Variants in DHX35 observed in about 807,000 individuals in gnomAD.
The protein encoded by DHX35 is probable ATP-dependent RNA helicase DHX35.
A neutral mutation model predicts 99.6 loss-of-function variants in DHX35; 84 were observed. The observed-to-expected ratio is 0.84, with a 90% CI of 0.71 to 1.01. The LOEUF (loss-of-function observed/expected upper bound fraction) is 1.01. Among genes scored for constraint, DHX35 ranks in the 50% least tolerant of loss-of-function variants. The pLI is 0.00. For missense variants in DHX35, 852 were observed against 888.5 expected, an observed-to-expected ratio of 0.96 and a Z score of 0.52; for synonymous variants, 331 against 316.2, an observed-to-expected ratio of 1.05 and a Z score of -0.50.
intron 5 of DHX35, 85 bp downstream of exon 5, chr20:38,989,002 G>A (rs901288152): frequency 5.1e-5 from 74 of 1,453,106 alleles, no homozygotes; most frequent in Non-Finnish European, 6.8e-5. Context: ...CCTTGCTGCT[G>A]TACAGGACAT....
rs2086612632 is a variant in DHX35 at position 39,006,150 on chromosome 20, T to C, written c.1016T>C (p.Ile339Thr). 1.2e-6 allele frequency: 2 copies of C among 1,613,218 alleles called. No homozygotes were observed. The highest frequency in any genetic ancestry group is 1.7e-6 in the Non-Finnish European group (2 of 1,179,200). The change falls in exon 12 of 22, where the codon ATA (isoleucine) becomes ACA (threonine). Residue 339 changes from isoleucine (I) to threonine (T), a missense_variant. Coordinates refer to ENST00000252011, the MANE Select transcript of DHX35 (RefSeq NM_021931.4). ...ERVSRSVRKV[I>T]VATNVAETSI... ...TTCTTTCTGTGGGGAACGTAGGTGA[T>C]AGTGGCCACCAATGTGGCAGAAACC...
chr20:38,999,539 T>G (rs2086485054), intron 8 of DHX35, among the ~76,000 whole-genome samples: 1 of 152,220 alleles, frequency 6.6e-6, no homozygotes, highest in South Asian at 2.1e-4. Context: ...ATGATCATAG[T>G]CATTTAGGCC....
chr20:39,004,898 T>C (rs747747172), intron 11 of DHX35, among the ~76,000 whole-genome samples: 5 of 152,136 alleles, frequency 3.3e-5, no homozygotes, highest in African/African-American at 1.2e-4. Context: ...CCCTTGACCA[T>C]TGGGATGGAG....
chr20:38,969,680 G>C (rs2085964500), intron 2 of DHX35, among the ~76,000 whole-genome samples: 1 of 152,160 alleles, frequency 6.6e-6, no homozygotes. Context: ...ACAGGATTTT[G>C]GTATGGTTAC....
At chr20:38,972,224 G>T (rs1360388818) in intron 2 of DHX35, among the ~76,000 whole-genome samples, 2 of 152,008 alleles carry the variant, frequency 1.3e-5, no homozygotes, top group Non-Finnish European at 2.9e-5. Flanking sequence ...TGGCCAGGCT[G>T]GTCTTGAACT....
intron 3 of DHX35, chr20:38,978,461 T>C (rs1422533438): frequency 3.7e-6 from 2 of 544,182 alleles, no homozygotes; most frequent in East Asian, 6.4e-5. Context: ...AGAAGGCGGA[T>C]GGAGATAAAT....
At chr20:38,991,788 A>G (rs1416214889) in intron 6 of DHX35, among the ~76,000 whole-genome samples, 1 of 152,220 alleles carries the variant, frequency 6.6e-6, no homozygotes, top group Non-Finnish European at 1.5e-5. Context: ...TCCAGTATTG[A>G]TGGTGACTGC....
chr20:39,025,427 C>G, intron 18 of DHX35, 68 bp downstream of exon 18: 1 of 1,577,116 alleles, frequency 6.3e-7, no homozygotes, highest in Non-Finnish European at 8.6e-7. Context: ...TCCTAAAGTT[C>G]TCATGCTGGG....
At chr20:39,035,292 G>T (rs554947971) in intron 21 of DHX35, among the ~76,000 whole-genome samples, 1 of 152,058 alleles carries the variant, frequency 6.6e-6, no homozygotes, top group East Asian at 1.9e-4. Context: ...GGCTGGTCTT[G>T]AACTCCTGAC....
Position 38,962,405 on chromosome 20 carries a change from C to A in DHX35, c.38C>A (p.Pro13His). ...GTGGGACCGGTGAAGTTCTGGCGAC[C>A]CGGTAAGGCCCTTGGTGGAACGCTG... ...APVGPVKFWR[P>H]GTEGPGVSIS... Residue 13 changes from proline to histidine, a missense_variant and splice_region_variant, in exon 1 of 22, where the codon CCC becomes CAC. Transcript: ENST00000252011. The A allele has an allele frequency of 1.9e-6, 3 of 1,612,674 alleles. No individual in the cohort carries two copies. The highest frequency in any genetic ancestry group is 1.7e-6 in the Non-Finnish European group (2 of 1,179,286).
intron 13 of DHX35, among the ~76,000 whole-genome samples, chr20:39,012,455 A>G (rs1253824772): frequency 2.0e-5 from 3 of 152,188 alleles, no homozygotes; most frequent in Non-Finnish European, 4.4e-5. Context: ...AATTTCAACT[A>G]TCATTAGGAC....
chr20:38,983,690 T>A lies in DHX35; in HGVS notation c.268-9T>A, dbSNP rs1351798319. ...TCATATGTATACTTAGATGTGATTT[T>A]GTTTGTAGTACCTTGCAGAAGCCGG... On this transcript the variant is annotated splice_polypyrimidine_tract_variant and intron_variant, in intron 3 of 21. Transcript: ENST00000252011. 3 of 1,613,740 alleles carry A rather than the reference T, an allele frequency of 1.9e-6. No homozygotes were observed. The highest frequency in any genetic ancestry group is 2.5e-6 in the Non-Finnish European group (3 of 1,179,696).
chr20:39,025,288 G>T lies in DHX35; in HGVS notation c.1730G>T (p.Arg577Ile), dbSNP rs1490442489. 3 of 1,613,544 alleles carry T rather than the reference G, an allele frequency of 1.9e-6. No individual in the cohort carries two copies. The highest frequency in any genetic ancestry group is 2.7e-5 in the African/African-American group (2 of 74,918). The change falls in exon 18 of 22, where the codon AGA becomes ATA. Residue 577 changes from arginine (R) to isoleucine (I), a missense_variant. By Grantham distance (97) the Arg-to-Ile change is moderately conservative. Coordinates refer to ENST00000252011, the MANE Select transcript of DHX35 (RefSeq NM_021931.4). ...TTCCTGAATTACAAGGGTCTTGTCA[G>T]AGCTGCGACTGTAAGAGAACAATTG... Reference protein sequence around the residue: ...EHFLNYKGLVRAATVREQLKK... With the variant: ...EHFLNYKGLVIAATVREQLKK...
intron 4 of DHX35, among the ~76,000 whole-genome samples, chr20:38,986,577 T>A (rs1286520933): frequency 1.3e-5 from 2 of 152,212 alleles, no homozygotes; most frequent in Non-Finnish European, 2.9e-5. Flanking sequence ...CTCATTCTTA[T>A]AAGCCTATTT....
intron 8 of DHX35, among the ~76,000 whole-genome samples, chr20:38,998,719 T>G (rs898175215): frequency 6.6e-6 from 1 of 152,266 alleles, no homozygotes; most frequent in East Asian, 1.9e-4. Flanking sequence ...TTTACTTTTT[T>G]ATGTATTTTG....
intron 8 of DHX35, among the ~76,000 whole-genome samples, chr20:38,999,619 G>A (rs187706688): frequency 1.3e-5 from 2 of 152,288 alleles, no homozygotes; most frequent in East Asian, 3.9e-4. Context: ...TCTTTCCAAT[G>A]TGCACGTGTG....
At chr20:39,015,658 T>C (rs915411689) in intron 14 of DHX35, among the ~76,000 whole-genome samples, 29 of 152,176 alleles carry the variant, frequency 1.9e-4, no homozygotes, top group African/African-American at 7.0e-4. Flanking sequence ...ATTTTGAGTG[T>C]TACTTTTTTT....
intron 7 of DHX35, among the ~76,000 whole-genome samples, 187 bp from the exon 8 acceptor site, chr20:38,994,634 C>T (rs1200434467): frequency 2.8e-5 from 3 of 108,360 alleles, no homozygotes; most frequent in Non-Finnish European, 5.4e-5. Flanking sequence ...TGTAATGACC[C>T]CCCCCCCCCT....
chr20:38,974,607 T>G (rs978136177), intron 3 of DHX35, among the ~76,000 whole-genome samples: 1 of 152,130 alleles, frequency 6.6e-6, no homozygotes, highest in African/African-American at 2.4e-5. Flanking sequence ...AGCAGGAAGT[T>G]TGGAATGGGA....
Sources: gnomAD v4.1 joint callset for allele counts (sites outside exome capture counted in the v4.1 genomes callset) on GRCh38, gnomAD v4.1.1 for gene constraint, MANE v1.5 for transcripts, NCBI Gene and HGNC (gene_info 2026-07-23, HGNC 2026-07-21) for gene names.